Variants in ALLC observed in about 807,000 individuals in gnomAD.
The protein encoded by ALLC is probable inactive allantoicase.
Under a neutral mutation model 45.0 loss-of-function variants are expected in ALLC, and 40 were observed. The ratio of observed to expected loss-of-function variants is 0.89; its 90% CI spans 0.69 to 1.16. The LOEUF is 1.16. Among genes scored for constraint, ALLC ranks in the 50% most tolerant of loss-of-function variants. ALLC has a pLI of 0.00. For missense variants in ALLC, 488 were observed against 493.1 expected (o/e 0.99, Z 0.10); for synonymous variants, 176 against 178.1 (o/e 0.99, Z 0.09).
chr2:3,684,017 C>T (rs991387315), intron 7 of ALLC, among the ~76,000 whole-genome samples: 2 of 152,196 alleles, frequency 1.3e-5, no homozygotes, highest in African/African-American at 4.8e-5. Context: ...CACTTGTTTC[C>T]ATCTGCTGGC....
chr2:3,647,772 C>T, the ALLC span, among the ~76,000 whole-genome samples: 1 of 151,912 alleles, frequency 6.6e-6, no homozygotes, highest in Admixed American at 6.6e-5. Flanking sequence ...TCTCAGCCTT[C>T]ACTCCCTGGT....
intron 2 of ALLC, among the ~76,000 whole-genome samples, 183 bp from the exon 3 acceptor site, chr2:3,673,892 G>GGAGGCAGACAATGAAATGGAAGCATTTC: frequency 6.6e-6 from 1 of 152,344 alleles, no homozygotes; most frequent in East Asian, 1.9e-4. Context: ...AGAAGAAGGA[G>GGAGGCAGACAATGAAATGGAAGCATTTC]GAGGCAGACA....
chr2:3,670,427 C>T (rs1403838946), intron 1 of ALLC, among the ~76,000 whole-genome samples: 2 of 152,214 alleles, frequency 1.3e-5, no homozygotes, highest in African/African-American at 4.8e-5. Flanking sequence ...CAGACTCTCC[C>T]TTCCTCCCTC....
the ALLC span, among the ~76,000 whole-genome samples, chr2:3,650,475 A>T: frequency 6.6e-6 from 1 of 152,210 alleles, no homozygotes; most frequent in East Asian, 1.9e-4. Context: ...GGTGACTGTC[A>T]GGTGGAAGCC....
rs1176969552 is a variant in ALLC at position 3,666,117 on chromosome 2, G to A, written c.-62-4979G>A. On this transcript the variant is annotated intron_variant, in intron 1 of 11. Coordinates refer to ENST00000252505, the MANE Select transcript of ALLC (RefSeq NM_018436.4). ...CCTCCCGTGCCCTCTGCTTCCCAGG[G>A]AAGCCGATCAATACAGATGGAGTGG... Among the ~76,000 whole-genome samples, 10 of 152,300 alleles carry A rather than the reference G, an allele frequency of 6.6e-5. 2 individuals carry two copies. The South Asian group carries it at 2.1e-3, about 32-fold the overall frequency.
At chr2:3,658,413 CAG>C (rs1263455056) in intron 1 of ALLC, 119 bp downstream of exon 1, 1 of 152,192 alleles carries the variant, frequency 6.6e-6, no homozygotes, top group Non-Finnish European at 1.5e-5. Flanking sequence ...TGGAAGGTGA[CAG>C]AGGGTAGATG....
rs1238662011 is a variant in ALLC at position 3,680,518 on chromosome 2, T to C, written c.298+524T>C. ...TGAGACGTATTCTGTGAAAGGGCCA[T>C]ATACACAGAGCAGACCTCAGGTGCT... On this transcript the variant is annotated intron_variant, in intron 5 of 11. Coordinates refer to ENST00000252505, the MANE Select transcript of ALLC (RefSeq NM_018436.4). The surrounding 1 kb of genome is among the most constrained non-coding windows in gnomAD (Gnocchi z 4.0). Among the ~76,000 whole-genome samples the C allele has an allele frequency of 6.6e-6, 1 of 152,178 alleles. No individual in the cohort carries two copies. The highest frequency in any genetic ancestry group is 6.5e-5 in the Admixed American group (1 of 15,284).
intron 10 of ALLC, among the ~76,000 whole-genome samples, chr2:3,700,654 A>C (rs2148025528): frequency 6.6e-6 from 1 of 152,320 alleles, no homozygotes; most frequent in Non-Finnish European, 1.5e-5. Context: ...GGTTATATCA[A>C]ATACACAAAG....
the ALLC span, among the ~76,000 whole-genome samples, chr2:3,647,977 C>T: frequency 6.6e-6 from 1 of 152,178 alleles, no homozygotes; most frequent in Non-Finnish European, 1.5e-5. Flanking sequence ...AAGTCTGGGC[C>T]TGTGAGTTAC....
chr2:3,701,442 G>A (rs1667829004), intron 10 of ALLC, 70 bp from the exon 11 acceptor site: 31 of 1,449,208 alleles, frequency 2.1e-5, no homozygotes, highest in Non-Finnish European at 2.8e-5. Context: ...TATTAAAAAA[G>A]CATGATATCC....
At chr2:3,681,556 CAT>C in intron 5 of ALLC, 76 bp from the exon 6 acceptor site, 1 of 993,998 alleles carries the variant, frequency 1.0e-6, no homozygotes, top group East Asian at 2.7e-5. Flanking sequence ...CGAGAATTAC[CAT>C]ACAAACCACC....
intron 1 of ALLC, among the ~76,000 whole-genome samples, chr2:3,659,941 G>C (rs1666529140): frequency 6.6e-6 from 1 of 152,168 alleles, no homozygotes; most frequent in Non-Finnish European, 1.5e-5. Flanking sequence ...AGCTTTAAAC[G>C]GTCTCTCCTT....
chr2:3,699,752 G>A (rs1667776041), intron 10 of ALLC, among the ~76,000 whole-genome samples: 1 of 151,842 alleles, frequency 6.6e-6, no homozygotes, highest in South Asian at 2.1e-4. Context: ...AATGATTAGT[G>A]ATGTCAGCCA....
chr2:3,697,605 A>G (rs1056515814), intron 10 of ALLC, 149 bp downstream of exon 10: 1 of 573,056 alleles, frequency 1.7e-6, no homozygotes, highest in Non-Finnish European at 3.0e-6. Flanking sequence ...TTTAACCCTT[A>G]GAACTCTGTC....
intron 3 of ALLC, among the ~76,000 whole-genome samples, chr2:3,676,980 G>A (rs901413663): frequency 6.6e-6 from 1 of 152,128 alleles, no homozygotes; most frequent in Non-Finnish European, 1.5e-5. Context: ...TAGAGAGGGG[G>A]TTTCACCATG....
chr2:3,677,463 C>A lies in ALLC; in HGVS notation c.85-1005C>A, dbSNP rs184696259. ...GTAATAACATTCAAAATACCATCAACTTTCATGTATAATGCTAAATACTGG... is the reference window on the plus strand; with the variant it reads ...GTAATAACATTCAAAATACCATCAAATTTCATGTATAATGCTAAATACTGG... On this transcript the variant is annotated intron_variant, in intron 3 of 11. Transcript: ENST00000252505. 1.1e-3 allele frequency among the ~76,000 whole-genome samples: 167 copies of A among 152,346 alleles called. 1 individual carries two copies. The highest frequency in any genetic ancestry group is 3.8e-3 in the African/African-American group (156 of 41,586).
chr2:3,656,010 CG>C (rs1443232584), upstream of ALLC, among the ~76,000 whole-genome samples: 1 of 152,134 alleles, frequency 6.6e-6, no homozygotes, highest in Non-Finnish European at 1.5e-5. Flanking sequence ...TGGAATGGGG[CG>C]GGGGGAGGAA....
chr2:3,696,232 T>G, intron 8 of ALLC, 43 bp from the exon 9 acceptor site: 1 of 1,518,714 alleles, frequency 6.6e-7, no homozygotes, highest in South Asian at 1.2e-5. Flanking sequence ...TCCTCATAGT[T>G]AAAATCATGC....
At chr2:3,664,382 A>G (rs6755529) in intron 1 of ALLC, among the ~76,000 whole-genome samples, 67,249 of 152,010 alleles carry the variant, frequency 0.44, 17,806 homozygotes, top group African/African-American at 0.75. Context: ...GGTCTTAACT[A>G]CAAATGGAGC....
Sources: allele counts gnomAD v4.1 joint callset (sites outside exome capture counted in the v4.1 genomes callset), GRCh38; gene constraint gnomAD v4.1.1; non-coding constraint Gnocchi (gnomAD v3.1); transcripts MANE v1.5; gene names NCBI Gene and HGNC (gene_info 2026-07-23, HGNC 2026-07-21).